EPM2A: variants seen among roughly 807,000 people sequenced by gnomAD.
EPM2A encodes the protein EPM2A glucan phosphatase, laforin.
Under a neutral mutation model 26.5 loss-of-function variants are expected in EPM2A, and 21 were observed. The ratio of observed to expected loss-of-function variants is 0.79; its 90% CI spans 0.56 to 1.14. The LOEUF (loss-of-function observed/expected upper bound fraction) is 1.14, where lower values mean the gene tolerates loss of function less well. Among genes scored for constraint, EPM2A ranks in the 50% most tolerant of loss-of-function variants. The pLI, the probability that EPM2A is intolerant of heterozygous loss-of-function variation, is 0.00. For missense variants in EPM2A, 458 were observed against 440.8 expected (o/e 1.04, Z -0.35); for synonymous variants, 217 against 177.6 (o/e 1.22, Z -1.76).
intron 3 of EPM2A, among the ~76,000 whole-genome samples, chr6:145,634,090 T>C (rs556920582): frequency 5.9e-4 from 90 of 152,162 alleles, no homozygotes; most frequent in Middle Eastern, 3.2e-3. Flanking sequence ...GGGCTAAAGA[T>C]AGAAACGTCT....
intron 2 of EPM2A, among the ~76,000 whole-genome samples, chr6:145,542,575 T>C (rs767455444): frequency 1.3e-5 from 2 of 152,206 alleles, no homozygotes; most frequent in Non-Finnish European, 2.9e-5. Context: ...GGGAATGAAA[T>C]ACTTTTCATA....
chr6:145,521,599 A>G (rs1279147790), intron 2 of EPM2A, among the ~76,000 whole-genome samples: 3 of 152,198 alleles, frequency 2.0e-5, no homozygotes, highest in Non-Finnish European at 4.4e-5. Flanking sequence ...TTATTTGACC[A>G]TGGATTTAAG....
At chr6:145,476,881 T>C (rs1041912543) in intron 4 of EPM2A, among the ~76,000 whole-genome samples, 3 of 151,808 alleles carry the variant, frequency 2.0e-5, no homozygotes, top group East Asian at 1.9e-4. Flanking sequence ...TAATGATGTA[T>C]ATTAAAGAAT....
At chr6:145,550,002 A>G (rs1454291163) in intron 2 of EPM2A, among the ~76,000 whole-genome samples, 1 of 152,020 alleles carries the variant, frequency 6.6e-6, no homozygotes, top group Non-Finnish European at 1.5e-5. Flanking sequence ...AATCCCCTGT[A>G]TGTTGCAGAG....
intron 2 of EPM2A, among the ~76,000 whole-genome samples, chr6:145,592,864 AG>A (rs1234064392): frequency 2.6e-5 from 4 of 152,192 alleles, no homozygotes; most frequent in African/African-American, 9.6e-5. Flanking sequence ...AATAAAAAGA[AG>A]GAAAGCACAA....
chr6:145,482,087 T>A (rs1414355772), intron 4 of EPM2A, among the ~76,000 whole-genome samples: 3 of 152,184 alleles, frequency 2.0e-5, no homozygotes, highest in African/African-American at 4.8e-5. Flanking sequence ...ACTACAAACA[T>A]CCAACTAACA....
At chr6:145,584,531 C>T (rs893093992) in intron 2 of EPM2A, among the ~76,000 whole-genome samples, 2 of 152,148 alleles carry the variant, frequency 1.3e-5, no homozygotes, top group African/African-American at 4.8e-5. Context: ...CATTCTTATG[C>T]CAAAACCTCT....
chr6:145,564,069 A>T (rs1780846225), intron 2 of EPM2A, among the ~76,000 whole-genome samples: 1 of 152,182 alleles, frequency 6.6e-6, no homozygotes, highest in African/African-American at 2.4e-5. Flanking sequence ...AATACAATGT[A>T]AATGCTAGGT....
At chr6:145,423,480 G>A (rs1028426128) in intron 4 of EPM2A, among the ~76,000 whole-genome samples, 2 of 152,170 alleles carry the variant, frequency 1.3e-5, no homozygotes, top group African/African-American at 4.8e-5. Context: ...TCATATGGAA[G>A]GGGGAAGCCT....
At chr6:145,679,536 A>T (rs1423909663) in intron 2 of EPM2A, among the ~76,000 whole-genome samples, 1 of 152,092 alleles carries the variant, frequency 6.6e-6, no homozygotes, top group Non-Finnish European at 1.5e-5. Context: ...AATTCCAGAA[A>T]TAAAGGGGAG....
chr6:145,579,436 T>C (rs1307860215), intron 2 of EPM2A, among the ~76,000 whole-genome samples: 2 of 152,214 alleles, frequency 1.3e-5, no homozygotes, highest in African/African-American at 4.8e-5. Flanking sequence ...TATCATTATG[T>C]AATGCATACC....
chr6:145,591,426 A>C (rs986343935), intron 2 of EPM2A, among the ~76,000 whole-genome samples: 1 of 152,136 alleles, frequency 6.6e-6, no homozygotes, highest in East Asian at 1.9e-4. Context: ...CTAGAAACCC[A>C]AAGACAAAGA....
At chr6:145,672,139 A>G in intron 2 of EPM2A, among the ~76,000 whole-genome samples, 1 of 152,224 alleles carries the variant, frequency 6.6e-6, no homozygotes, top group East Asian at 1.9e-4. Flanking sequence ...CTAGCATGAA[A>G]GAATCTTACC....
intron 2 of EPM2A, chr6:145,641,074 T>C (rs953540882): frequency 6.6e-6 from 1 of 152,226 alleles, no homozygotes; most frequent in Non-Finnish European, 1.5e-5. Context: ...ACTGTGTAGT[T>C]TAGAGCCATA....
chr6:145,674,161 G>C (rs1779854282), intron 2 of EPM2A, among the ~76,000 whole-genome samples: 1 of 152,166 alleles, frequency 6.6e-6, no homozygotes, highest in Non-Finnish European at 1.5e-5. Flanking sequence ...ACAGGGTCTG[G>C]AGTGGACCTG....
chr6:145,605,275 C>T (rs1375142423), intron 2 of EPM2A, among the ~76,000 whole-genome samples: 1 of 152,168 alleles, frequency 6.6e-6, no homozygotes, highest in Non-Finnish European at 1.5e-5. Context: ...AGAGTTATAA[C>T]ATGCCATACT....
intron 4 of EPM2A, among the ~76,000 whole-genome samples, chr6:145,400,691 A>G (rs1257796175): frequency 6.6e-6 from 1 of 152,200 alleles, no homozygotes; most frequent in Non-Finnish European, 1.5e-5. Context: ...GAACATAGGC[A>G]ACATCCATTT....
At chr6:145,505,384 CACACACACACAA>C (rs1486063143) in intron 2 of EPM2A, among the ~76,000 whole-genome samples, 9 of 151,768 alleles carry the variant, frequency 5.9e-5, no homozygotes, top group African/African-American at 2.4e-5. Context: ...CTCTCTTACA[CACACACACACAA>C]ACACACACAC....
At chr6:145,662,263 C>A (rs1778772845) in intron 2 of EPM2A, among the ~76,000 whole-genome samples, 1 of 151,774 alleles carries the variant, frequency 6.6e-6, no homozygotes, top group Non-Finnish European at 1.5e-5. Context: ...ACACTTGGCA[C>A]CAAAAAAAAT....
Sources: allele counts gnomAD v4.1 joint callset (sites outside exome capture counted in the v4.1 genomes callset), GRCh38; gene constraint gnomAD v4.1.1; transcripts MANE v1.5; gene names NCBI Gene and HGNC (gene_info 2026-07-23, HGNC 2026-07-21).